The following KSR1 variants were observed in gnomAD, a reference collection of about 807,000 sequenced individuals.
The protein encoded by KSR1 is kinase suppressor of ras.
KSR1 carries 35 observed loss-of-function variants against 92.9 expected under a neutral mutation model. That is an observed-to-expected ratio of 0.38 (90% CI 0.29 to 0.50). The LOEUF (loss-of-function observed/expected upper bound fraction) is 0.50, where lower values mean the gene tolerates loss of function less well. Ranked by LOEUF, KSR1 falls within the 20% of genes least tolerant of loss-of-function variation. The pLI is 0.94. For missense variants in KSR1, 972 were observed against 1,158.5 expected, an observed-to-expected ratio of 0.84 and a Z score of 2.34; for synonymous variants, 467 against 472.6, an observed-to-expected ratio of 0.99 and a Z score of 0.15.
chr17:27,547,838 G>A (rs986001552), intron 1 of KSR1, among the ~76,000 whole-genome samples: 11 of 151,992 alleles, frequency 7.2e-5, no homozygotes, highest in South Asian at 2.1e-4. Context: ...TCAGCCTCCC[G>A]AGTAGCTGGG....
At chr17:27,527,079 A>T in intron 1 of KSR1, 1 of 428,994 alleles carries the variant, frequency 2.3e-6, no homozygotes, top group Non-Finnish European at 4.5e-6. Context: ...GCCTGCAGGT[A>T]CATTGATTGC....
chr17:27,526,870 G>A, intron 1 of KSR1: 1 of 667,508 alleles, frequency 1.5e-6, no homozygotes, highest in Non-Finnish European at 2.7e-6. Flanking sequence ...AGGAAGTAGA[G>A]CTGCTCCAGC....
chr17:27,458,003 A>G lies in KSR1; in HGVS notation c.231+1129A>G, dbSNP rs944697528. On this transcript the variant is annotated intron_variant, in intron 1 of 20. Transcript: ENST00000644974. ...TACAAGACCAATCCTTCCTCCAGGC[A>G]TGCCACAAAGCCGAATCCTTGTTTG... Among the ~76,000 whole-genome samples the G allele has an allele frequency of 2.7e-5, 4 of 147,344 alleles. No individual in the cohort carries two copies. In the East Asian group the frequency reaches 6.0e-4, roughly 22 times the overall value.
rs1314185742 is a variant in KSR1 at position 27,611,421 on chromosome 17, T to C, written c.2358-73T>C. The C allele has an allele frequency of 1.9e-6, 3 of 1,595,778 alleles. No homozygotes were observed. The African/African-American group carries it at 4.0e-5, about 21-fold the overall frequency. On this transcript the variant is annotated intron_variant, in intron 17 of 20. Transcript: ENST00000644974. ...GGGTCCTGATCCTCTGGCTGGGCTA[T>C]GGCTCAAGGGCCCCTGGGCTTGAGC...
intron 1 of KSR1, among the ~76,000 whole-genome samples, chr17:27,480,546 C>T (rs992010051): frequency 6.6e-6 from 1 of 152,134 alleles, no homozygotes; most frequent in Admixed American, 6.6e-5. Context: ...TACAGGCATG[C>T]TCCACCATGC....
At chr17:27,484,802 G>A (rs2150950227) in intron 1 of KSR1, among the ~76,000 whole-genome samples, 1 of 152,348 alleles carries the variant, frequency 6.6e-6, no homozygotes, top group South Asian at 2.1e-4. Context: ...AGAGCACGGA[G>A]GATGCTCCAG....
chr17:27,622,018 G>T, intron 20 of KSR1: 1 of 1,331,344 alleles, frequency 7.5e-7, no homozygotes. Flanking sequence ...AATGCAAAAT[G>T]AGATGCGGGC....
At position 27,577,183 on chromosome 17, in the gene KSR1, G is replaced by C. The variant is rs765379287; in HGVS notation, c.373-309G>C. 3.0e-4 allele frequency among the ~76,000 whole-genome samples: 45 copies of C among 152,194 alleles called. No homozygotes were observed. The highest frequency in any genetic ancestry group is 6.5e-4 in the Admixed American group (10 of 15,290). On this transcript the variant is annotated intron_variant, in intron 2 of 20. Transcript: ENST00000644974. The surrounding 1 kb of genome is among the most constrained non-coding windows in gnomAD (Gnocchi z 4.5). ...TCATTCTAAAAAGTTGTTATGACTC[G>C]CTGTTTTTTTTCTGTGCAGAGGAGT...
At chr17:27,574,488 T>A (rs1291231599) in intron 2 of KSR1, among the ~76,000 whole-genome samples, 1 of 152,184 alleles carries the variant, frequency 6.6e-6, no homozygotes, top group Non-Finnish European at 1.5e-5. Flanking sequence ...GATTCTTGCC[T>A]ACAGCCCTGA....
At chr17:27,517,113 T>C (rs1366487346) in intron 1 of KSR1, among the ~76,000 whole-genome samples, 2 of 152,186 alleles carry the variant, frequency 1.3e-5, no homozygotes, top group African/African-American at 4.8e-5. Context: ...CCCCTTCCCT[T>C]TCTAGGTAAT....
intron 1 of KSR1, among the ~76,000 whole-genome samples, chr17:27,537,189 T>C (rs566459919): frequency 1.3e-5 from 2 of 152,352 alleles, no homozygotes; most frequent in Admixed American, 1.3e-4. Context: ...GGGGGTTGTA[T>C]TCCCAAACAC....
chr17:27,461,849 T>C (rs2019458650), intron 1 of KSR1, among the ~76,000 whole-genome samples: 1 of 64,186 alleles, frequency 1.6e-5, no homozygotes, highest in African/African-American at 4.2e-5. Flanking sequence ...GCGCCGCAGG[T>C]ATTCTACTCC....
chr17:27,510,094 A>G (rs1401128670), intron 1 of KSR1, among the ~76,000 whole-genome samples: 1 of 152,202 alleles, frequency 6.6e-6, no homozygotes, highest in East Asian at 1.9e-4. Context: ...TCTTCACACA[A>G]GTTCACCTGG....
In KSR1 at chr17:27,583,022, G is replaced by A; in HGVS notation, c.897G>A (p.Leu299=). Residue 299 remains leucine (L), a synonymous_variant, in exon 4 of 21, where the codon CTG becomes CTA. Transcript: ENST00000644974. ...PPPPSRKVFQ[L]LPSFPTLTRS... The stretch of plus-strand genomic sequence containing the variant: ...CACCCAGCCGCAAGGTCTTCCAGCT[G>A]CTGCCCAGCTTCCCCACACTCACCC... 1 of 1,607,854 alleles carries A rather than the reference G, an allele frequency of 6.2e-7. No individual in the cohort carries two copies. The highest frequency in any genetic ancestry group is 8.5e-7 in the Non-Finnish European group (1 of 1,178,478).
intron 2 of KSR1, among the ~76,000 whole-genome samples, chr17:27,556,871 G>A (rs1039172546): frequency 6.6e-6 from 1 of 152,228 alleles, no homozygotes; most frequent in African/African-American, 2.4e-5. Flanking sequence ...GTGCCTTGGA[G>A]GCTAGAAGCA....
chr17:27,540,804 G>A (rs540992870), intron 1 of KSR1, among the ~76,000 whole-genome samples: 4 of 152,372 alleles, frequency 2.6e-5, no homozygotes, highest in East Asian at 3.9e-4. Context: ...TGGTCGCTGC[G>A]TGCCTGTGCG....
intron 14 of KSR1, 75 bp downstream of exon 14, chr17:27,605,888 A>G (rs1291774555): frequency 3.8e-6 from 6 of 1,576,918 alleles, no homozygotes; most frequent in East Asian, 2.3e-5. Context: ...GTTTGTGTGG[A>G]TGCCCTAGAG....
chr17:27,489,135 T>C (rs2068749603), intron 1 of KSR1, among the ~76,000 whole-genome samples: 1 of 152,240 alleles, frequency 6.6e-6, no homozygotes, highest in Non-Finnish European at 1.5e-5. Flanking sequence ...CCAGCATTCC[T>C]GTCTGATGCC....
intron 1 of KSR1, among the ~76,000 whole-genome samples, chr17:27,545,415 G>A (rs970427412): frequency 1.3e-5 from 2 of 152,210 alleles, no homozygotes; most frequent in Non-Finnish European, 2.9e-5. Context: ...GCCAGGTGTG[G>A]TGGCTCATGC....
Sources: gnomAD v4.1 joint callset for allele counts (sites outside exome capture counted in the v4.1 genomes callset) on GRCh38, gnomAD v4.1.1 for gene constraint, Gnocchi (gnomAD v3.1) non-coding constraint, MANE v1.5 for transcripts, NCBI Gene and HGNC (gene_info 2026-07-23, HGNC 2026-07-21) for gene names.